UPF2: variants seen among roughly 807,000 people sequenced by gnomAD.
UPF2 encodes the protein UPF2 regulator of nonsense mediated mRNA decay.
A neutral mutation model predicts 141.4 loss-of-function variants in UPF2; 17 were observed. The observed-to-expected ratio is 0.12, with a 90% confidence interval of 0.08 to 0.18. The LOEUF (loss-of-function observed/expected upper bound fraction) is 0.18. Ranked by LOEUF, UPF2 falls within the 10% of genes least tolerant of loss-of-function variation. The probability of loss-of-function intolerance (pLI) is 1.00; values close to 1 mark genes in which losing one functional copy is unlikely to be tolerated. For missense variants in UPF2, 1,152 were observed against 1,515.9 expected (o/e 0.76, Z 3.99); for synonymous variants, 540 against 498.0 (o/e 1.08, Z -1.12).
intron 11 of UPF2, among the ~76,000 whole-genome samples, chr10:11,963,144 T>C (rs1428634321): frequency 6.6e-6 from 1 of 152,148 alleles, no homozygotes. Context: ...CCTTTGCTAC[T>C]CTCAGTCTGG....
rs1833338135 is a variant in UPF2, at chr10:11,967,419, C to T, written c.1989G>A (p.Lys663=). ...CTCCTATAAAACGAACAGTTTTATT[C>T]TTTGTTTCAATATTGATCTGGTCCT... ...RKKDQINIET[K]NKTVRFIGEL... The change falls in exon 10 of 22, where the codon AAG becomes AAA. Residue 663 remains lysine (K), a synonymous_variant. Coordinates refer to ENST00000357604, the MANE Select transcript of UPF2 (RefSeq NM_015542.4). 2.5e-6 allele frequency: 4 copies of T among 1,584,654 alleles called. No individual in the cohort carries two copies. Among genetic ancestry groups the T allele is most frequent in the Non-Finnish European group, 3.4e-6 (4 of 1,170,840 alleles).
chr10:11,951,892 T>C (rs1564342164), intron 15 of UPF2, 174 bp downstream of exon 15: 3 of 590,632 alleles, frequency 5.1e-6, no homozygotes, highest in Non-Finnish European at 5.7e-6. Context: ...GGTTTGAAAT[T>C]ACTTAGTGAA....
intron 1 of UPF2, among the ~76,000 whole-genome samples, chr10:12,041,136 A>G (rs576702711): frequency 6.6e-6 from 1 of 152,368 alleles, no homozygotes; most frequent in African/African-American, 2.4e-5. Flanking sequence ...ACTGAGCACT[A>G]AGTGATATTT....
intron 21 of UPF2, among the ~76,000 whole-genome samples, chr10:11,925,691 A>C (rs1285571885): frequency 6.6e-6 from 1 of 152,274 alleles, no homozygotes; most frequent in Admixed American, 6.5e-5. Flanking sequence ...ACTCAGGAAC[A>C]CCAAGGCAGG....
intron 3 of UPF2, among the ~76,000 whole-genome samples, chr10:12,018,130 C>A (rs77513255): frequency 0.065 from 9,853 of 152,238 alleles, 561 homozygotes; most frequent in East Asian, 0.24. Flanking sequence ...AGAAATAACT[C>A]ATTATAGTGC....
At chr10:12,035,793 GAATATATCT>G in intron 1 of UPF2, 1 of 162,184 alleles carries the variant, frequency 6.2e-6, no homozygotes. Flanking sequence ...AAATACTTCA[GAATATATCT>G]GTGAACATTT....
At chr10:12,033,479 G>A (rs1460023557) in intron 2 of UPF2, among the ~76,000 whole-genome samples, 2 of 152,172 alleles carry the variant, frequency 1.3e-5, no homozygotes, top group Admixed American at 6.5e-5. Context: ...GCTGCAGTGA[G>A]CTGGCATTGT....
chr10:11,930,046 G>C, intron 20 of UPF2, 61 bp from the exon 21 acceptor site: 1 of 1,604,712 alleles, frequency 6.2e-7, no homozygotes, highest in Non-Finnish European at 8.5e-7. Context: ...TCCTCCTACA[G>C]AGTGAACGAA....
At position 11,931,893 on chromosome 10, in the gene UPF2, G is replaced by A. The variant is rs1409314376; in HGVS notation, c.3547-111C>T. The A allele has an allele frequency of 1.6e-6, 2 of 1,232,782 alleles. No homozygotes were observed. The highest frequency in any genetic ancestry group is 2.2e-6 in the Non-Finnish European group (2 of 903,618). 76.4% of individuals were successfully genotyped at this position (1,232,782 alleles called of 1,614,324 possible). ...AGGCTGGGCACGGTGGCTCACGCCTGTAATCCCAGCACTTTGGGAGGCCGA... is the reference window on the plus strand; with the variant it reads ...AGGCTGGGCACGGTGGCTCACGCCTATAATCCCAGCACTTTGGGAGGCCGA... On this transcript the variant is annotated intron_variant, in intron 19 of 21. Transcript: ENST00000357604. The surrounding 1 kb of genome is among the most constrained non-coding windows in gnomAD (Gnocchi z 5.9).
At chr10:11,948,331 C>A in intron 16 of UPF2, 38 bp downstream of exon 16, 2 of 1,446,176 alleles carry the variant, frequency 1.4e-6, no homozygotes, top group Non-Finnish European at 9.2e-7. Flanking sequence ...TACTCTTATA[C>A]AAATGTACTC....
rs1486811286 is a variant in UPF2, at chr10:11,939,194, CCT to C, written c.3379-2484_3379-2483del. Among the ~76,000 whole-genome samples, 3 of 151,986 alleles carry C rather than the reference CCT, an allele frequency of 2.0e-5. No homozygotes were observed. The highest frequency in any genetic ancestry group is 4.4e-5 in the Non-Finnish European group (3 of 68,016). On this transcript the variant is annotated intron_variant, in intron 18 of 21. Transcript: ENST00000357604. This position sits in a 1 kb window ranked among gnomAD's most constrained non-coding sequence, Gnocchi z 4.8. ...CCAGCAAGTTTCTTGTCTTTCCAAG[CCT>C]CTGTTTCTTTAGCTAAAGCAAAGGA...
In UPF2 at chr10:11,931,575, A is replaced by G. The variant is rs1440159006; in HGVS notation, c.3688+66T>C. On this transcript the variant is annotated intron_variant, in intron 20 of 21. Transcript: ENST00000357604. This position sits in a 1 kb window ranked among gnomAD's most constrained non-coding sequence, Gnocchi z 5.9. Reference sequence around the variant, plus strand: ...AAAATATGACATGAGAAGATGAGACAAAATAACAATTTTGATGCTCAAAAG... The same window carrying G: ...AAAATATGACATGAGAAGATGAGACGAAATAACAATTTTGATGCTCAAAAG... The G allele has an allele frequency of 4.1e-6, 6 of 1,471,152 alleles. No individual in the cohort carries two copies. The highest frequency in any genetic ancestry group is 4.5e-6 in the Non-Finnish European group (5 of 1,107,838). 91.1% of individuals were successfully genotyped at this position (1,471,152 alleles called of 1,614,324 possible). A position where few individuals can be genotyped will look rare whatever the true frequency, so the allele number is the denominator to read the frequency against.
chr10:12,005,568 C>T (rs1006389062), intron 4 of UPF2, among the ~76,000 whole-genome samples: 2 of 151,964 alleles, frequency 1.3e-5, no homozygotes, highest in African/African-American at 4.8e-5. Context: ...TTTAGAGGGT[C>T]CTGAAATTTT....
chr10:11,947,977 G>C (rs1306857588), intron 16 of UPF2, among the ~76,000 whole-genome samples: 1 of 151,822 alleles, frequency 6.6e-6, no homozygotes, highest in Non-Finnish European at 1.5e-5. Flanking sequence ...GCCAGGTGCG[G>C]TGGCTCATGC....
Position 12,004,700 on chromosome 10 carries a change from G to T in UPF2, c.1334C>A (p.Thr445Lys). ...EEHGPGIDIF[T>K]PGKPGEYDLE... ...GTCATATTCTCCAGGTTTACCAGGT[G>T]TGAATATATCAATTCCAGGCCCATG... The change falls in exon 5 of 22, where the codon ACA (threonine) becomes AAA (lysine). Residue 445 changes from threonine to lysine, a missense_variant. Physicochemically the swap from Thr to Lys is moderately conservative, Grantham distance 78. This residue lies in a region of UPF2 where 739 missense variants were observed against 1,032.2 expected (regional missense o/e 0.72). Transcript: ENST00000357604. 6.2e-7 allele frequency: 1 copy of T among 1,613,632 alleles called. No homozygotes were observed. Among genetic ancestry groups the T allele is most frequent in the Non-Finnish European group, 8.5e-7 (1 of 1,179,806 alleles).
rs189495674 is a variant in UPF2, at chr10:11,954,174, A to G, written c.2850+1058T>C. ...TGTAGTACTGTCCCTGTATTTGTAT[A>G]TGAATTTAATTTATATTGTGCTTGG... On this transcript the variant is annotated intron_variant, in intron 14 of 21. Coordinates refer to ENST00000357604, the MANE Select transcript of UPF2 (RefSeq NM_015542.4). Among the ~76,000 whole-genome samples the G allele has an allele frequency of 1.2e-4, 18 of 152,318 alleles. 1 individual carries two copies. Among genetic ancestry groups the G allele is most frequent in the Admixed American group, 7.2e-4 (11 of 15,290 alleles).
chr10:11,934,889 C>A (rs1832830125), intron 19 of UPF2, among the ~76,000 whole-genome samples: 2 of 152,072 alleles, frequency 1.3e-5, no homozygotes, highest in Non-Finnish European at 2.9e-5. Context: ...TGCCCGGCCA[C>A]ACACCACAAT....
chr10:12,036,627 CT>C (rs1385908091), intron 1 of UPF2, among the ~76,000 whole-genome samples: 1 of 152,140 alleles, frequency 6.6e-6, no homozygotes, highest in East Asian at 1.9e-4. Flanking sequence ...CTGAATTTTT[CT>C]TTTCTAAAAA....
intron 16 of UPF2, among the ~76,000 whole-genome samples, chr10:11,947,127 C>T (rs762535543): frequency 9.2e-5 from 14 of 152,100 alleles, no homozygotes; most frequent in Non-Finnish European, 1.6e-4. Flanking sequence ...ACTTGAACTA[C>T]GGAGGTGGAG....
Sources: gnomAD v4.1 joint callset for allele counts (sites outside exome capture counted in the v4.1 genomes callset) on GRCh38, gnomAD v4.1.1 for gene constraint, gnomAD v4.1.1 regional missense constraint, Gnocchi (gnomAD v3.1) non-coding constraint, MANE v1.5 for transcripts, NCBI Gene and HGNC (gene_info 2026-07-23, HGNC 2026-07-21) for gene names.